GABRG3: variants seen among roughly 807,000 people sequenced by gnomAD.
GABRG3 encodes the protein gamma-aminobutyric acid receptor subunit gamma-3.
Under a neutral mutation model 48.8 loss-of-function variants are expected in GABRG3, and 25 were observed. That is an observed-to-expected ratio of 0.51 (90% CI 0.37 to 0.72). GABRG3 has a LOEUF of 0.72. Ranked by LOEUF, GABRG3 falls within the 30% of genes least tolerant of loss-of-function variation. GABRG3 has a pLI of 0.00. For synonymous variants in GABRG3, 227 were observed against 217.6 expected (o/e 1.04, Z -0.38); for missense variants, 394 against 577.9 (o/e 0.68, Z 3.26).
chr15:26,999,048 AC>A (rs2140654342), intron 2 of GABRG3, among the ~76,000 whole-genome samples: 1 of 152,100 alleles, frequency 6.6e-6, no homozygotes, highest in Admixed American at 6.5e-5. Flanking sequence ...TGGGTTAACC[AC>A]TTTTTTGACC....
chr15:27,195,078 G>A (rs1388810787), intron 3 of GABRG3, among the ~76,000 whole-genome samples: 1 of 152,116 alleles, frequency 6.6e-6, no homozygotes, highest in African/African-American at 2.4e-5. Context: ...TTTAAAAATT[G>A]TGTTTTCATT....
At chr15:27,050,479 C>A (rs1238452302) in intron 3 of GABRG3, among the ~76,000 whole-genome samples, 1 of 152,168 alleles carries the variant, frequency 6.6e-6, no homozygotes, top group Non-Finnish European at 1.5e-5. Flanking sequence ...CCTTGCCCTT[C>A]GTCCTGCTGT....
At chr15:27,496,436 G>C (rs1426087768) in intron 6 of GABRG3, among the ~76,000 whole-genome samples, 1 of 152,090 alleles carries the variant, frequency 6.6e-6, no homozygotes, top group African/African-American at 2.4e-5. Flanking sequence ...CCTTTGTTGG[G>C]CATTGCTTTT....
intron 3 of GABRG3, among the ~76,000 whole-genome samples, chr15:27,071,278 G>A (rs963688476): frequency 1.3e-5 from 2 of 152,114 alleles, no homozygotes; most frequent in Non-Finnish European, 2.9e-5. Flanking sequence ...CAAGGAGGGG[G>A]CATTTCTACC....
intron 3 of GABRG3, among the ~76,000 whole-genome samples, chr15:27,030,778 C>A (rs1896071136): frequency 6.6e-6 from 1 of 152,002 alleles, no homozygotes; most frequent in African/African-American, 2.4e-5. Flanking sequence ...TTGTTTGAGT[C>A]CAGTAAGTGG....
At chr15:27,153,140 C>T (rs1019477191) in intron 3 of GABRG3, among the ~76,000 whole-genome samples, 13 of 152,196 alleles carry the variant, frequency 8.5e-5, no homozygotes, top group African/African-American at 2.2e-4. Context: ...GGATTACAGG[C>T]GTGAGCCACG....
intron 3 of GABRG3, among the ~76,000 whole-genome samples, chr15:27,124,533 A>G (rs568553318): frequency 6.6e-6 from 1 of 152,330 alleles, no homozygotes; most frequent in South Asian, 2.1e-4. Flanking sequence ...GGGAGAGACG[A>G]TGATGCCCAT....
chr15:27,343,201 C>A (rs1259081527), intron 5 of GABRG3, among the ~76,000 whole-genome samples: 1 of 152,154 alleles, frequency 6.6e-6, no homozygotes, highest in African/African-American at 2.4e-5. Context: ...GGAGCCAGCA[C>A]CTCCCCCACG....
intron 3 of GABRG3, among the ~76,000 whole-genome samples, chr15:27,198,106 A>G (rs1888554959): frequency 6.6e-6 from 1 of 152,200 alleles, no homozygotes; most frequent in Admixed American, 6.5e-5. Flanking sequence ...CTTCATGACT[A>G]AAACACCAAA....
At chr15:27,246,485 G>A (rs1417904049) in intron 3 of GABRG3, among the ~76,000 whole-genome samples, 1 of 152,070 alleles carries the variant, frequency 6.6e-6, no homozygotes, top group African/African-American at 2.4e-5. Flanking sequence ...TTCTCTAAAG[G>A]TTACGTATCA....
intron 7 of GABRG3, among the ~76,000 whole-genome samples, chr15:27,527,184 A>G (rs1476974922): frequency 6.6e-6 from 1 of 152,226 alleles, no homozygotes; most frequent in Non-Finnish European, 1.5e-5. Context: ...GAATTACTGA[A>G]TGAATTGAAA....
chr15:27,182,830 A>C (rs1000978468), intron 3 of GABRG3, among the ~76,000 whole-genome samples: 1 of 152,166 alleles, frequency 6.6e-6, no homozygotes, highest in Non-Finnish European at 1.5e-5. Flanking sequence ...CAGGATGTCC[A>C]TTTGGCCGAG....
At chr15:27,104,906 A>C (rs552395824) in intron 3 of GABRG3, among the ~76,000 whole-genome samples, 1 of 152,366 alleles carries the variant, frequency 6.6e-6, no homozygotes, top group East Asian at 1.9e-4. Context: ...AATGGCAGAC[A>C]TAAGCCCTAA....
chr15:27,428,714 G>A (rs557871168), intron 5 of GABRG3, among the ~76,000 whole-genome samples: 63 of 152,310 alleles, frequency 4.1e-4, no homozygotes, highest in Non-Finnish European at 4.4e-4. Flanking sequence ...TTAATGGGGG[G>A]AAGTCTTCCT....
intron 3 of GABRG3, among the ~76,000 whole-genome samples, chr15:27,318,497 G>A (rs1249906614): frequency 2.6e-5 from 4 of 152,164 alleles, no homozygotes; most frequent in Non-Finnish European, 5.9e-5. Context: ...GAATCAGTAA[G>A]GGGAGGCCTG....
At chr15:27,376,207 TAG>T (rs1026250847) in intron 5 of GABRG3, among the ~76,000 whole-genome samples, 7 of 152,200 alleles carry the variant, frequency 4.6e-5, no homozygotes, top group Non-Finnish European at 8.8e-5. Context: ...ATGCAAGAGG[TAG>T]ACTCCCATGG....
rs150641174 is a variant in GABRG3, at chr15:27,198,726, G to A, written c.271-128083G>A. 1.0e-2 allele frequency among the ~76,000 whole-genome samples: 1,521 copies of A among 152,282 alleles called. 34 individuals are homozygous for A. Among genetic ancestry groups the A allele is most frequent in the East Asian group, 0.098 (509 of 5,178 alleles). ...GTTTATTGCAGCACTATTCACGATA[G>A]CAAAGACTTGGAACCAACCCAAATG... On this transcript the variant is annotated intron_variant, in intron 3 of 9. Coordinates refer to ENST00000615808, the MANE Select transcript of GABRG3 (RefSeq NM_033223.5).
chr15:27,294,740 T>G (rs1175683536), intron 3 of GABRG3: 2 of 152,122 alleles, frequency 1.3e-5, no homozygotes, highest in Admixed American at 6.6e-5. Flanking sequence ...ATTCTGAGAA[T>G]CACGTCTGTA....
chr15:27,040,316 G>T (rs947823023), intron 3 of GABRG3, among the ~76,000 whole-genome samples: 1 of 152,234 alleles, frequency 6.6e-6, no homozygotes, highest in Non-Finnish European at 1.5e-5. Context: ...AAATCAAATG[G>T]CTGGTCGTTG....
Sources: gnomAD v4.1 joint callset for allele counts (sites outside exome capture counted in the v4.1 genomes callset) on GRCh38, gnomAD v4.1.1 for gene constraint, MANE v1.5 for transcripts, NCBI Gene and HGNC (gene_info 2026-07-23, HGNC 2026-07-21) for gene names.